CAVIN1: variants seen among roughly 807,000 people sequenced by gnomAD.
The protein encoded by CAVIN1 is caveolae associated protein 1.
In CAVIN1, 16 loss-of-function variants were observed where a neutral mutation model predicts 24.0. The observed-to-expected ratio is 0.67, with a 90% CI of 0.45 to 1.01. The LOEUF (loss-of-function observed/expected upper bound fraction) is 1.01, where lower values mean the gene tolerates loss of function less well. Among genes scored for constraint, CAVIN1 ranks in the 50% least tolerant of loss-of-function variants. The pLI is 0.00. For synonymous variants in CAVIN1, 256 were observed against 256.4 expected, an observed-to-expected ratio of 1.00 and a Z score of 0.02; for missense variants, 510 against 551.7, an observed-to-expected ratio of 0.92 and a Z score of 0.76.
Position 42,421,954 on chromosome 17 carries a change from C to T in CAVIN1, c.471+673G>A, listed in dbSNP as rs995490577. Among the ~76,000 whole-genome samples, 4 of 152,292 alleles carry T rather than the reference C, an allele frequency of 2.6e-5. No individual in the cohort carries two copies. The East Asian group carries it at 7.8e-4, about 30-fold the overall frequency. ...CAGGAGGCCCAGGGTGCCAGCGCGCCGCGGGTGAGGGTGTCCTCAAGGGCC... is the reference window on the plus strand; with the variant it reads ...CAGGAGGCCCAGGGTGCCAGCGCGCTGCGGGTGAGGGTGTCCTCAAGGGCC... On this transcript the variant is annotated intron_variant, in intron 1 of 1. Coordinates refer to ENST00000357037, the MANE Select transcript of CAVIN1 (RefSeq NM_012232.6).
At chr17:42,410,880 G>A (rs1450246982) in intron 1 of CAVIN1, among the ~76,000 whole-genome samples, 2 of 117,924 alleles carry the variant, frequency 1.7e-5, no homozygotes, top group Non-Finnish European at 3.2e-5. Flanking sequence ...GCGACGGAGT[G>A]AGACTCTGTC....
At chr17:42,411,403 T>A (rs985042558) in intron 1 of CAVIN1, 243 of 984,364 alleles carry the variant, frequency 2.5e-4, no homozygotes, top group Non-Finnish European at 2.8e-4. Flanking sequence ...AAAATTTTTT[T>A]AACATTTTTT....
chr17:42,414,941 C>T (rs2085503032), intron 1 of CAVIN1, among the ~76,000 whole-genome samples: 1 of 150,356 alleles, frequency 6.7e-6, no homozygotes, highest in South Asian at 2.1e-4. Flanking sequence ...CCTCCTTTCC[C>T]CCACTTTTCT....
intron 1 of CAVIN1, among the ~76,000 whole-genome samples, chr17:42,409,082 G>A (rs988134425): frequency 1.3e-5 from 2 of 151,430 alleles, no homozygotes; most frequent in Non-Finnish European, 2.9e-5. Flanking sequence ...ACGAGCCACC[G>A]CATCTGGCCA....
intron 1 of CAVIN1, chr17:42,411,725 G>A: frequency 2.0e-6 from 2 of 985,426 alleles, no homozygotes; most frequent in East Asian, 1.1e-4. Context: ...GGAGGCAGCA[G>A]GGGGAACGGC....
rs540633406 is a variant in CAVIN1, at chr17:42,422,804, C to T, written c.294G>A (p.Lys98=). 2 of 1,613,806 alleles carry T rather than the reference C, an allele frequency of 1.2e-6. No individual in the cohort carries two copies. The highest frequency in any genetic ancestry group is 1.7e-5 in the Admixed American group (1 of 59,988). ...CCGTATTGCTCGTGGTGGCGTGCGC[C>T]TTGCCCAGCTTGCTCAGCTCGCCCT... ...SIQGELSKLG[K]AHATTSNTVS... Residue 98 remains lysine, a synonymous_variant, in exon 1 of 2, where the codon AAG becomes AAA. Transcript: ENST00000357037.
At chr17:42,406,329 A>T (rs992477371) in intron 1 of CAVIN1, among the ~76,000 whole-genome samples, 1 of 151,714 alleles carries the variant, frequency 6.6e-6, no homozygotes, top group African/African-American at 2.4e-5. Context: ...CTACCCACCC[A>T]AGCAGGTAAA....
intron 1 of CAVIN1, among the ~76,000 whole-genome samples, chr17:42,408,234 G>C (rs1024674129): frequency 2.6e-5 from 4 of 151,928 alleles, no homozygotes; most frequent in African/African-American, 9.7e-5. Flanking sequence ...TTGTCTCTCT[G>C]CCCTACCCCC....
At chr17:42,419,702 G>T (rs959839235) in intron 1 of CAVIN1, among the ~76,000 whole-genome samples, 4 of 152,142 alleles carry the variant, frequency 2.6e-5, no homozygotes, top group African/African-American at 9.7e-5. Context: ...ATAACTAGTA[G>T]AATTCACTTC....
rs2085436645 is a variant in CAVIN1 at position 42,405,276 on chromosome 17, T to C, written c.584A>G (p.Asp195Gly). 4 of 1,612,722 alleles carry C rather than the reference T, an allele frequency of 2.5e-6. No homozygotes were observed. The highest frequency in any genetic ancestry group is 3.4e-6 in the Non-Finnish European group (4 of 1,179,952). The change falls in exon 2 of 2, where the codon GAC becomes GGC. Residue 195 changes from aspartate to glycine, a missense_variant. Transcript: ENST00000357037. ...ELGEGERPEEDAAALELSSDE... is the reference protein window; with the variant it reads ...ELGEGERPEEGAAALELSSDE... ...CGACGAAAGCTCCAGCGCCGCTGCG[T>C]CCTCCTCGGGCCGCTCGCCCTCGCC...
At chr17:42,410,989 C>T (rs1567778298) in intron 1 of CAVIN1, among the ~76,000 whole-genome samples, 4 of 140,680 alleles carry the variant, frequency 2.8e-5, no homozygotes, top group Admixed American at 1.4e-4. Context: ...GGAGGCGGGG[C>T]AGATCACCTG....
In CAVIN1 at chr17:42,403,925, G is replaced by C. The variant is rs2085426519; in HGVS notation, c.*762C>G. Reference sequence around the variant, plus strand: ...CAAAGTGCTGGGGTTACAGGCATAAGCCACCAAGCCCGGCCGACCTTCTTC... The same window carrying C: ...CAAAGTGCTGGGGTTACAGGCATAACCCACCAAGCCCGGCCGACCTTCTTC... On this transcript the variant is annotated 3_prime_UTR_variant, in exon 2 of 2. Transcript: ENST00000357037. 1 of 152,720 alleles carries C rather than the reference G, an allele frequency of 6.5e-6. No homozygotes were observed. The highest frequency in any genetic ancestry group is 2.4e-5 in the African/African-American group (1 of 41,444). The allele number at this position is 152,720 out of a possible 1,614,324, so 9.5% of individuals were successfully genotyped here.
chr17:42,408,026 A>G (rs2085455607), intron 1 of CAVIN1, among the ~76,000 whole-genome samples: 1 of 151,742 alleles, frequency 6.6e-6, no homozygotes, highest in African/African-American at 2.4e-5. Flanking sequence ...CAGTATATAT[A>G]TATATTAAAA....
intron 1 of CAVIN1, among the ~76,000 whole-genome samples, chr17:42,413,953 A>G (rs1362403205): frequency 6.6e-6 from 1 of 152,132 alleles, no homozygotes; most frequent in Non-Finnish European, 1.5e-5. Context: ...TGTGGAGTAT[A>G]GTGGCGTGAT....
intron 1 of CAVIN1, among the ~76,000 whole-genome samples, chr17:42,405,777 AC>A (rs1213619767): frequency 8.1e-6 from 1 of 123,434 alleles, no homozygotes; most frequent in African/African-American, 3.1e-5. Context: ...AACCTCCGCC[AC>A]CCGGGTTCAA....
intron 1 of CAVIN1, among the ~76,000 whole-genome samples, chr17:42,420,887 G>A (rs2085540835): frequency 6.6e-6 from 1 of 152,100 alleles, no homozygotes; most frequent in Non-Finnish European, 1.5e-5. Context: ...AGGCTCTGGA[G>A]GAAATATAGA....
intron 1 of CAVIN1, among the ~76,000 whole-genome samples, chr17:42,419,328 T>TA: frequency 6.6e-6 from 1 of 151,392 alleles, no homozygotes; most frequent in Non-Finnish European, 1.5e-5. Context: ...TTATTATTAT[T>TA]TTTGAGATGG....
chr17:42,404,597 G>GA lies in CAVIN1; in HGVS notation c.*89dup, dbSNP rs2085430188. ...GGGAGGGGGGCGTGTTTTCAATTTA[G>GA]AAAAATCTCAGCCAGCTCGAGCCGA... On this transcript the variant is annotated 3_prime_UTR_variant, in exon 2 of 2. Coordinates refer to ENST00000357037, the MANE Select transcript of CAVIN1 (RefSeq NM_012232.6). The GA allele has an allele frequency of 2.1e-6, 2 of 934,418 alleles. No homozygotes were observed. The highest frequency in any genetic ancestry group is 3.0e-6 in the Non-Finnish European group (2 of 674,662). The allele number at this position is 934,418 out of a possible 1,614,324, so 57.9% of individuals were successfully genotyped here.
Position 42,404,454 on chromosome 17 carries a change from AC to A in CAVIN1, c.*232del, listed in dbSNP as rs1414243706. On this transcript the variant is annotated 3_prime_UTR_variant, in exon 2 of 2. Transcript: ENST00000357037. Reference sequence around the variant, plus strand: ...ACTTGGACAACCAGGACAGGGATTGACCATTCCCTTCCCATTCCACTCGGAC... The same window carrying A: ...ACTTGGACAACCAGGACAGGGATTGACATTCCCTTCCCATTCCACTCGGAC... 1 of 407,584 alleles carries A rather than the reference AC, an allele frequency of 2.5e-6. No individual in the cohort carries two copies. Among genetic ancestry groups the A allele is most frequent in the Non-Finnish European group, 4.4e-6 (1 of 229,140 alleles). 25.2% of individuals were successfully genotyped at this position (407,584 alleles called of 1,614,324 possible).
Sources: allele counts gnomAD v4.1 joint callset (sites outside exome capture counted in the v4.1 genomes callset), GRCh38; gene constraint gnomAD v4.1.1; transcripts MANE v1.5; gene names NCBI Gene and HGNC (gene_info 2026-07-23, HGNC 2026-07-21).